Variants in ZBTB7C observed in about 807,000 individuals in gnomAD.
The protein encoded by ZBTB7C is zinc finger and BTB domain containing 7C.
Under a neutral mutation model 25.7 loss-of-function variants are expected in ZBTB7C, and 8 were observed. The observed-to-expected ratio is 0.31, with a 90% CI of 0.18 to 0.56. The LOEUF (loss-of-function observed/expected upper bound fraction) is 0.56. Among genes scored for constraint, ZBTB7C ranks in the 20% least tolerant of loss-of-function variants. The pLI is 0.91. For synonymous variants in ZBTB7C, 394 were observed against 369.0 expected (o/e 1.07, Z -0.78); for missense variants, 824 against 855.2 (o/e 0.96, Z 0.46).
chr18:48,147,502 G>T (rs1320032608), intron 3 of ZBTB7C: 1 of 152,190 alleles, frequency 6.6e-6, no homozygotes. Context: ...TTAATCACAT[G>T]GGACTGAATG....
intron 2 of ZBTB7C, among the ~76,000 whole-genome samples, chr18:48,270,471 G>A (rs866577610): frequency 1.3e-5 from 2 of 150,644 alleles, no homozygotes; most frequent in African/African-American, 2.4e-5. Context: ...CCAGGTGGGC[G>A]GATCTCGAGG....
intron 3 of ZBTB7C, among the ~76,000 whole-genome samples, chr18:48,178,565 C>A (rs896979464): frequency 6.6e-6 from 1 of 152,128 alleles, no homozygotes; most frequent in Non-Finnish European, 1.5e-5. Context: ...GGAGCCTGAT[C>A]CAACTAGAGG....
intron 2 of ZBTB7C, among the ~76,000 whole-genome samples, chr18:48,236,816 T>C (rs2043392063): frequency 6.6e-6 from 1 of 152,224 alleles, no homozygotes; most frequent in African/African-American, 2.4e-5. Context: ...AAAGAAGCTG[T>C]TGCAGTCAGG....
chr18:48,058,547 T>C (rs1270862153), intron 3 of ZBTB7C, among the ~76,000 whole-genome samples: 1 of 152,206 alleles, frequency 6.6e-6, no homozygotes, highest in Non-Finnish European at 1.5e-5. Context: ...CCAGGGTCTT[T>C]AAGACCCCTT....
intron 2 of ZBTB7C, among the ~76,000 whole-genome samples, chr18:48,333,566 C>T (rs925322073): frequency 3.9e-5 from 6 of 152,198 alleles, no homozygotes; most frequent in African/African-American, 1.4e-4. Flanking sequence ...TAACCTTATC[C>T]AAATGTGCTT....
intron 2 of ZBTB7C, among the ~76,000 whole-genome samples, chr18:48,277,499 A>G (rs977410898): frequency 6.6e-6 from 1 of 152,226 alleles, no homozygotes; most frequent in South Asian, 2.1e-4. Flanking sequence ...GTCCCAAATA[A>G]AAGTGCAAAA....
intron 2 of ZBTB7C, among the ~76,000 whole-genome samples, chr18:48,332,992 A>C (rs2046375821): frequency 6.6e-6 from 1 of 152,198 alleles, no homozygotes; most frequent in East Asian, 1.9e-4. Flanking sequence ...ATAATTAAAT[A>C]GTAAGATCTC....
chr18:48,366,003 T>G (rs1281615882), intron 1 of ZBTB7C, among the ~76,000 whole-genome samples: 1 of 152,174 alleles, frequency 6.6e-6, no homozygotes, highest in Non-Finnish European at 1.5e-5. Context: ...GTTCAATAAA[T>G]TTTCATGAGA....
At chr18:48,162,117 C>T (rs2041078428) in intron 3 of ZBTB7C, among the ~76,000 whole-genome samples, 1 of 144,536 alleles carries the variant, frequency 6.9e-6, no homozygotes, top group Non-Finnish European at 1.6e-5. Flanking sequence ...CGCCCACCTC[C>T]AGGCAGGGCT....
chr18:48,160,882 C>T (rs1598996472), intron 3 of ZBTB7C, among the ~76,000 whole-genome samples: 1 of 151,788 alleles, frequency 6.6e-6, no homozygotes, highest in East Asian at 1.9e-4. Flanking sequence ...AATATCTGCT[C>T]CCTATCCCCC....
At chr18:48,342,495 CCCCT>C in intron 1 of ZBTB7C, among the ~76,000 whole-genome samples, 1 of 152,302 alleles carries the variant, frequency 6.6e-6, no homozygotes, top group East Asian at 1.9e-4. Context: ...ATCGCCCGAA[CCCCT>C]CCCTGGCCCT....
chr18:48,044,947 G>A (rs1411645446), intron 3 of ZBTB7C, among the ~76,000 whole-genome samples: 1 of 152,252 alleles, frequency 6.6e-6, no homozygotes, highest in Non-Finnish European at 1.5e-5. Flanking sequence ...GGATGAGTGA[G>A]GGCACAGAGA....
intron 2 of ZBTB7C, among the ~76,000 whole-genome samples, chr18:48,190,418 C>T (rs1451948665): frequency 6.6e-6 from 1 of 152,098 alleles, no homozygotes. Flanking sequence ...AGGTGTGAAT[C>T]CTGCCTGCCA....
intron 2 of ZBTB7C, among the ~76,000 whole-genome samples, chr18:48,334,226 G>A (rs2046406336): frequency 6.6e-6 from 1 of 152,168 alleles, no homozygotes; most frequent in Non-Finnish European, 1.5e-5. Flanking sequence ...CAGGCTGAGG[G>A]AAAGTAAAGA....
At chr18:48,200,323 A>G (rs1247923353) in intron 2 of ZBTB7C, among the ~76,000 whole-genome samples, 3 of 151,706 alleles carry the variant, frequency 2.0e-5, no homozygotes, top group Non-Finnish European at 4.4e-5. Context: ...AGTGACCCAC[A>G]CTCCATATTT....
intron 2 of ZBTB7C, among the ~76,000 whole-genome samples, chr18:48,274,587 C>G (rs1011300262): frequency 2.0e-5 from 3 of 152,204 alleles, no homozygotes; most frequent in Admixed American, 6.5e-5. Context: ...TTGATCCACA[C>G]AGTAGCTCAA....
At chr18:48,249,087 T>C (rs1252971691) in intron 2 of ZBTB7C, among the ~76,000 whole-genome samples, 1 of 152,218 alleles carries the variant, frequency 6.6e-6, no homozygotes, top group African/African-American at 2.4e-5. Flanking sequence ...TACTGTTTTA[T>C]CTGTCAAATT....
At chr18:48,229,847 G>T (rs1297265820) in intron 2 of ZBTB7C, among the ~76,000 whole-genome samples, 2 of 152,120 alleles carry the variant, frequency 1.3e-5, no homozygotes, top group Non-Finnish European at 2.9e-5. Flanking sequence ...GGCACTGAGG[G>T]GGTGGCCAAG....
chr18:48,211,962 GATAA>G, intron 2 of ZBTB7C, among the ~76,000 whole-genome samples: 1 of 152,156 alleles, frequency 6.6e-6, no homozygotes, highest in Non-Finnish European at 1.5e-5. Context: ...CGGGTGAATG[GATAA>G]ATAAACCATG....
Sources: gnomAD v4.1 joint callset for allele counts (sites outside exome capture counted in the v4.1 genomes callset) on GRCh38, gnomAD v4.1.1 for gene constraint, MANE v1.5 for transcripts, NCBI Gene and HGNC (gene_info 2026-07-23, HGNC 2026-07-21) for gene names.